The following CLASP2 variants were observed in gnomAD, a reference collection of about 807,000 sequenced individuals.
CLASP2 encodes CLIP-associating protein 2.
A neutral mutation model predicts 194.4 loss-of-function variants in CLASP2; 47 were observed. That is an observed-to-expected ratio of 0.24 (90% confidence interval 0.19 to 0.31). The LOEUF (loss-of-function observed/expected upper bound fraction) is 0.31. CLASP2 is among the 10% of genes least tolerant of loss of function. The pLI is 1.00. For synonymous variants in CLASP2, 619 were observed against 633.5 expected, an observed-to-expected ratio of 0.98 and a Z score of 0.34; for missense variants, 1,445 against 1,823.6, an observed-to-expected ratio of 0.79 and a Z score of 3.78.
chr3:33,630,455 T>C lies in CLASP2; in HGVS notation c.942+1837A>G, dbSNP rs571827951. On this transcript the variant is annotated intron_variant, in intron 9 of 38. Transcript: ENST00000682230. ...CTCATATAAATGGGTATAGGAATAA[T>C]GGTCACAAAGTAATAATGAGGAGTG... 2.0e-5 allele frequency among the ~76,000 whole-genome samples: 3 copies of C among 152,128 alleles called. No homozygotes were observed. In the East Asian group the frequency reaches 5.8e-4, roughly 29 times the overall value.
chr3:33,592,141 A>C, intron 21 of CLASP2: 2 of 699,516 alleles, frequency 2.9e-6, no homozygotes, highest in Non-Finnish European at 2.6e-6. Context: ...AAAACACCAA[A>C]GACAAGACAA....
At chr3:33,573,026 G>C (rs372301307) in intron 25 of CLASP2, 84 bp downstream of exon 25, 7 of 1,476,602 alleles carry the variant, frequency 4.7e-6, no homozygotes, top group African/African-American at 1.4e-5. Context: ...TTCTACACCA[G>C]TATCTCTAAA....
In CLASP2 at chr3:33,603,000, C is replaced by A; in HGVS notation, c.1876G>T (p.Gly626Trp). 6.2e-7 allele frequency: 1 copy of A among 1,610,396 alleles called. No homozygotes were observed. Among genetic ancestry groups the A allele is most frequent in the East Asian group, 2.2e-5 (1 of 44,764 alleles). The change falls in exon 18 of 39, where the codon GGG (glycine) becomes TGG (tryptophan). Residue 626 changes from glycine (G) to tryptophan (W), a missense_variant. Transcript: ENST00000682230. ...TTCAGGGCACCTGCACCTAAGCGCC[C>A]GCTTCGCACAGACTGTCCAGCAGCA... ...HHAAGQSVRS[G>W]RLGAGALNAG... is the part of the protein sequence containing the mutation.
intron 12 of CLASP2, among the ~76,000 whole-genome samples, chr3:33,616,249 C>T (rs1017107752): frequency 1.3e-5 from 2 of 151,880 alleles, no homozygotes; most frequent in Non-Finnish European, 2.9e-5. Flanking sequence ...GAGAGGATTG[C>T]CAACATTTCA....
intron 7 of CLASP2, among the ~76,000 whole-genome samples, chr3:33,650,961 T>C (rs181315409): frequency 1.3e-5 from 2 of 152,358 alleles, no homozygotes; most frequent in Admixed American, 1.3e-4. Context: ...AACCCAACTT[T>C]TGTTTTGTCT....
At chr3:33,663,564 G>T in intron 6 of CLASP2, 49 bp from the exon 7 acceptor site, 1 of 1,282,260 alleles carries the variant, frequency 7.8e-7, no homozygotes. Flanking sequence ...AAAACATATA[G>T]ATTAAATAGA....
At chr3:33,717,402 A>AC (rs1258199771) in intron 1 of CLASP2, among the ~76,000 whole-genome samples, 16 of 151,016 alleles carry the variant, frequency 1.1e-4, no homozygotes, top group African/African-American at 3.9e-4. Flanking sequence ...GGGACGCGGG[A>AC]CCCCCCTGTT....
intron 29 of CLASP2, among the ~76,000 whole-genome samples, chr3:33,555,834 C>A (rs1387790467): frequency 6.6e-6 from 1 of 152,148 alleles, no homozygotes; most frequent in African/African-American, 2.4e-5. Flanking sequence ...TAGTGCAGTG[C>A]CTTAGCAATT....
In CLASP2 at chr3:33,717,889, G is replaced by C; in HGVS notation, c.114C>G (p.Ile38Met). 3 of 1,557,992 alleles carry C rather than the reference G, an allele frequency of 1.9e-6. No individual in the cohort carries two copies. The highest frequency in any genetic ancestry group is 2.6e-6 in the Non-Finnish European group (3 of 1,151,572). ...GGCCCAGGTCCTCCTCCAGGTCCGAGATGGCGCCGGGGGCGCCAAGGTAGA... is the reference window on the plus strand; with the variant it reads ...GGCCCAGGTCCTCCTCCAGGTCCGACATGGCGCCGGGGGCGCCAAGGTAGA... The part of the protein sequence containing the change: ...LLLYLGAPGA[I>M]SDLEEDLGRL... Residue 38 changes from isoleucine (I) to methionine (M), a missense_variant, in exon 1 of 39, where the codon ATC (isoleucine) becomes ATG (methionine). By Grantham distance (10) the Ile-to-Met change is conservative. Coordinates refer to ENST00000682230, the MANE Select transcript of CLASP2 (RefSeq NM_001365631.1).
At chr3:33,614,297 A>ATTT (rs2075727617) in intron 12 of CLASP2, among the ~76,000 whole-genome samples, 2 of 152,236 alleles carry the variant, frequency 1.3e-5, no homozygotes, top group Non-Finnish European at 2.9e-5. Flanking sequence ...CCTTACATAC[A>ATTT]GCTGTTAAGA....
chr3:33,657,313 A>G (rs903048337), intron 7 of CLASP2, among the ~76,000 whole-genome samples: 1 of 152,152 alleles, frequency 6.6e-6, no homozygotes, highest in African/African-American at 2.4e-5. Context: ...CTATATACAT[A>G]TCTTTATTGT....
chr3:33,524,024 G>A (rs2154114950), intron 34 of CLASP2, among the ~76,000 whole-genome samples: 1 of 152,176 alleles, frequency 6.6e-6, no homozygotes, highest in Non-Finnish European at 1.5e-5. Context: ...AGAAAGTAAT[G>A]TAAAAAGTGA....
intron 34 of CLASP2, among the ~76,000 whole-genome samples, chr3:33,527,343 C>A (rs953079242): frequency 1.3e-5 from 2 of 152,118 alleles, no homozygotes; most frequent in African/African-American, 2.4e-5. Flanking sequence ...CACCTCTATG[C>A]ATATAAACTA....
intron 1 of CLASP2, among the ~76,000 whole-genome samples, chr3:33,699,872 CAAAAAAAAA>C (rs34347002): frequency 1.1e-5 from 1 of 93,930 alleles, no homozygotes; most frequent in East Asian, 3.0e-4. Flanking sequence ...ATTGTACTAC[CAAAAAAAAA>C]AAAAAAAAGA....
At chr3:33,708,226 C>G (rs1237248581) in intron 1 of CLASP2, among the ~76,000 whole-genome samples, 1 of 151,872 alleles carries the variant, frequency 6.6e-6, no homozygotes, top group African/African-American at 2.4e-5. Flanking sequence ...TTCCCACATC[C>G]TCCAACCCCT....
At chr3:33,536,375 G>A (rs1218065334) in intron 33 of CLASP2, among the ~76,000 whole-genome samples, 1 of 152,172 alleles carries the variant, frequency 6.6e-6, no homozygotes, top group Non-Finnish European at 1.5e-5. Context: ...GGTTCACTGA[G>A]AAGCCACTTG....
chr3:33,715,898 G>T lies in CLASP2; in HGVS notation c.195+1910C>A, dbSNP rs532342110. ...AAAGATTACCCAGTTGGGTAACTTA[G>T]CTTATAAAACTTAAAGCAACAGATT... is the stretch of plus-strand genomic sequence containing the variant. On this transcript the variant is annotated intron_variant, in intron 1 of 38. Coordinates refer to ENST00000682230, the MANE Select transcript of CLASP2 (RefSeq NM_001365631.1). Among the ~76,000 whole-genome samples, 8 of 134,374 alleles carry T rather than the reference G, an allele frequency of 6.0e-5. No individual in the cohort carries two copies. In the East Asian group the frequency reaches 1.7e-3, roughly 29 times the overall value. 88.2% of individuals were successfully genotyped at this position (134,374 alleles called of 152,430 possible).
chr3:33,601,857 C>G (rs1287947359), intron 18 of CLASP2, among the ~76,000 whole-genome samples: 1 of 152,048 alleles, frequency 6.6e-6, no homozygotes, highest in African/African-American at 2.4e-5. Context: ...ATACTCATAC[C>G]TAAATTCTCT....
Position 33,630,461 on chromosome 3 carries a change from CAAAG to C in CLASP2, c.942+1827_942+1830del, listed in dbSNP as rs2078881988. Among the ~76,000 whole-genome samples the C allele has an allele frequency of 5.9e-5, 9 of 151,568 alleles. 1 individual carries two copies. The South Asian group carries it at 1.9e-3, about 32-fold the overall frequency. On this transcript the variant is annotated intron_variant, in intron 9 of 38. Transcript: ENST00000682230. ...TAAATGGGTATAGGAATAATGGTCA[CAAAG>C]TAATAATGAGGAGTGCAAGCACAAT...
Sources: gnomAD v4.1 joint callset for allele counts (sites outside exome capture counted in the v4.1 genomes callset) on GRCh38, gnomAD v4.1.1 for gene constraint, MANE v1.5 for transcripts, NCBI Gene and HGNC (gene_info 2026-07-23, HGNC 2026-07-21) for gene names.